Variants in MGAT5 observed in about 807,000 individuals in gnomAD.
MGAT5 encodes alpha-1,6-mannosylglycoprotein 6-beta-N-acetylglucosaminyltransferase.
Under a neutral mutation model 94.3 loss-of-function variants are expected in MGAT5, and 30 were observed. The observed-to-expected ratio is 0.32, with a 90% CI of 0.24 to 0.43. MGAT5 has a LOEUF of 0.43. MGAT5 is among the 20% of genes least tolerant of loss of function. MGAT5 has a pLI of 1.00. For synonymous variants in MGAT5, 310 were observed against 322.9 expected (o/e 0.96, Z 0.43); for missense variants, 691 against 905.5 (o/e 0.76, Z 3.04).
intron 1 of MGAT5, among the ~76,000 whole-genome samples, chr2:134,188,438 A>T (rs1009131234): frequency 7.2e-5 from 11 of 152,240 alleles, no homozygotes; most frequent in African/African-American, 2.4e-4. Context: ...GCAAAGTGGG[A>T]ATGATACAGT....
At chr2:134,150,853 T>G (rs1033190633) in intron 1 of MGAT5, among the ~76,000 whole-genome samples, 9 of 152,196 alleles carry the variant, frequency 5.9e-5, no homozygotes, top group African/African-American at 2.2e-4. Flanking sequence ...TGAATATATG[T>G]TCAAAGTTAT....
intron 1 of MGAT5, among the ~76,000 whole-genome samples, chr2:134,152,260 C>CATGGGACCTCACGCCCT (rs1363441559): frequency 1.5e-5 from 2 of 132,966 alleles, no homozygotes; most frequent in Non-Finnish European, 3.0e-5. Flanking sequence ...CGCTTACCAC[C>CATGGGACCTCACGCCCT]ATGGGACCTC....
intron 4 of MGAT5, chr2:134,319,725 T>C (rs1361359465): frequency 1.7e-5 from 7 of 416,008 alleles, no homozygotes; most frequent in Middle Eastern, 3.5e-4. Flanking sequence ...TGGAATTCAA[T>C]GTAGCTGAAG....
chr2:134,145,280 C>T (rs1474949680), intron 1 of MGAT5, among the ~76,000 whole-genome samples: 1 of 151,182 alleles, frequency 6.6e-6, no homozygotes, highest in African/African-American at 2.5e-5. Context: ...GGCGCGGTGG[C>T]TCACGCCTGT....
chr2:134,254,586 G>C lies in MGAT5; in HGVS notation c.183G>C (p.Leu61=). ...TCAGCAAAAGGTACATCAAGGCACT[G>C]GCAGAAGAAAACAGGAATGTGGTGG... ...LDLSKRYIKA[L]AEENRNVVDG... The change falls in exon 1 of 16, where the codon CTG becomes CTC. Residue 61 remains leucine (L), a synonymous_variant. Coordinates refer to ENST00000281923, the MANE Select transcript of MGAT5 (RefSeq NM_002410.5). 6.2e-7 allele frequency: 1 copy of C among 1,614,226 alleles called. No individual in the cohort carries two copies. Among genetic ancestry groups the C allele is most frequent in the Non-Finnish European group, 8.5e-7 (1 of 1,180,040 alleles).
At chr2:134,411,512 C>G (rs1423833069) in intron 11 of MGAT5, among the ~76,000 whole-genome samples, 1 of 152,214 alleles carries the variant, frequency 6.6e-6, no homozygotes, top group African/African-American at 2.4e-5. Context: ...GTACCCTATT[C>G]TGTTCAAAAC....
rs553115944 is a variant in MGAT5, at chr2:134,451,031, T to C, written c.*2184T>C. 4 of 152,146 alleles carry C rather than the reference T, an allele frequency of 2.6e-5. No individual in the cohort carries two copies. The South Asian group carries it at 6.2e-4, about 24-fold the overall frequency. 9.4% of individuals were successfully genotyped at this position (152,146 alleles called of 1,614,324 possible). A position where few individuals can be genotyped will look rare whatever the true frequency, so the allele number is the denominator to read the frequency against. On this transcript the variant is annotated 3_prime_UTR_variant, in exon 16 of 16. Coordinates refer to ENST00000281923, the MANE Select transcript of MGAT5 (RefSeq NM_002410.5). Reference sequence around the variant, plus strand: ...CCTCTCCTGGGCTCTTCCAGGAGCATTGAACACTGAGGATGTCAATGCAAG... The same window carrying C: ...CCTCTCCTGGGCTCTTCCAGGAGCACTGAACACTGAGGATGTCAATGCAAG...
At chr2:134,362,728 G>A (rs920019048) in intron 10 of MGAT5, among the ~76,000 whole-genome samples, 2 of 152,196 alleles carry the variant, frequency 1.3e-5, no homozygotes, top group African/African-American at 4.8e-5. Context: ...TATCTTTCTG[G>A]AGCAAGATAC....
intron 1 of MGAT5, among the ~76,000 whole-genome samples, chr2:134,182,518 A>T (rs537201050): frequency 6.6e-6 from 1 of 152,214 alleles, no homozygotes; most frequent in Non-Finnish European, 1.5e-5. Flanking sequence ...GTTGATTGAT[A>T]CATTTACACA....
At chr2:134,161,266 T>A (rs780804672) in intron 1 of MGAT5, among the ~76,000 whole-genome samples, 2 of 152,214 alleles carry the variant, frequency 1.3e-5, no homozygotes, top group South Asian at 4.1e-4. Context: ...CCTGTTGAGC[T>A]GGAGCCAGGC....
intron 10 of MGAT5, among the ~76,000 whole-genome samples, chr2:134,390,585 T>C (rs1225188080): frequency 6.6e-6 from 1 of 152,246 alleles, no homozygotes; most frequent in African/African-American, 2.4e-5. Context: ...TCAAATCACA[T>C]GGCAGAACCC....
chr2:134,208,272 A>G (rs868357927), intron 1 of MGAT5, among the ~76,000 whole-genome samples: 5 of 152,104 alleles, frequency 3.3e-5, no homozygotes, highest in Non-Finnish European at 5.9e-5. Context: ...CATTTATTTT[A>G]ATTTGGTCTC....
chr2:134,280,310 T>C (rs903147363), intron 2 of MGAT5, among the ~76,000 whole-genome samples: 2 of 152,116 alleles, frequency 1.3e-5, no homozygotes, highest in African/African-American at 4.8e-5. Flanking sequence ...ACAGCCTCCT[T>C]CTTCTGTACT....
intron 4 of MGAT5, chr2:134,319,544 T>C (rs1687198194): frequency 6.4e-6 from 1 of 157,048 alleles, no homozygotes; most frequent in Admixed American, 6.5e-5. Context: ...GGGAAAGTTA[T>C]GGTATCAGTT....
chr2:134,217,078 C>T (rs1214749804), intron 1 of MGAT5, among the ~76,000 whole-genome samples: 1 of 151,994 alleles, frequency 6.6e-6, no homozygotes, highest in Non-Finnish European at 1.5e-5. Context: ...CTGGCAGGAT[C>T]CTTAGGGGCC....
At chr2:134,386,989 C>T (rs527817776) in intron 10 of MGAT5, among the ~76,000 whole-genome samples, 43 of 152,084 alleles carry the variant, frequency 2.8e-4, no homozygotes, top group African/African-American at 9.6e-4. Context: ...GAGCCGGGTG[C>T]GGTGGCTCAC....
chr2:134,441,915 A>C lies in MGAT5; in HGVS notation c.2027A>C (p.Lys676Thr), dbSNP rs1685506170. Residue 676 changes from lysine (K) to threonine (T), a missense_variant and splice_region_variant, in exon 15 of 16, where the codon AAG becomes ACG. Around this residue, in one of 4 missense-constraint regions of MGAT5, gnomAD observed 260 missense variants for 347.0 expected, o/e 0.75. Transcript: ENST00000281923. ...CTCAACAAGGACAAGGACATGCTGAAGTAAGTGCCCTGGGGTGGGGGTGGG... is the reference window on the plus strand; with the variant it reads ...CTCAACAAGGACAAGGACATGCTGACGTAAGTGCCCTGGGGTGGGGGTGGG... ...QHLNKDKDML[K>T]YKVTCQSSEL... 1 of 1,556,828 alleles carries C rather than the reference A, an allele frequency of 6.4e-7. No homozygotes were observed. Among genetic ancestry groups the C allele is most frequent in the Non-Finnish European group, 8.9e-7 (1 of 1,129,168 alleles).
intron 6 of MGAT5, among the ~76,000 whole-genome samples, chr2:134,340,643 A>AG (rs984760441): frequency 1.3e-5 from 2 of 152,078 alleles, no homozygotes; most frequent in Middle Eastern, 3.2e-3. Context: ...CAAACCTTAG[A>AG]GTTACCTCAG....
chr2:134,189,602 G>GTATTTTTTTTTTTTTTT (rs1689232175), intron 1 of MGAT5, among the ~76,000 whole-genome samples: 1 of 84,672 alleles, frequency 1.2e-5, no homozygotes. Context: ...GTTTTTTTTT[G>GTATTTTTTTTTTTTTTT]TTTTTTTTTT....
Sources: gnomAD v4.1 joint callset for allele counts (sites outside exome capture counted in the v4.1 genomes callset) on GRCh38, gnomAD v4.1.1 for gene constraint, gnomAD v4.1.1 regional missense constraint, MANE v1.5 for transcripts, NCBI Gene and HGNC (gene_info 2026-07-23, HGNC 2026-07-21) for gene names.